INSC: variants seen among roughly 807,000 people sequenced by gnomAD.
INSC encodes the protein protein inscuteable homolog.
INSC carries 67 observed loss-of-function variants against 58.6 expected under a neutral mutation model. The ratio of observed to expected loss-of-function variants is 1.14; its 90% CI spans 0.94 to 1.40. The LOEUF (loss-of-function observed/expected upper bound fraction) is 1.40. Among genes scored for constraint, INSC ranks in the 40% most tolerant of loss-of-function variants. The probability of loss-of-function intolerance (pLI) is 0.00; values close to 1 mark genes in which losing one functional copy is unlikely to be tolerated. For synonymous variants in INSC, 262 were observed against 276.1 expected, an observed-to-expected ratio of 0.95 and a Z score of 0.51; for missense variants, 714 against 692.0, an observed-to-expected ratio of 1.03 and a Z score of -0.36.
At chr11:15,127,592 G>T (rs921863433) in intron 1 of INSC, among the ~76,000 whole-genome samples, 2 of 152,178 alleles carry the variant, frequency 1.3e-5, no homozygotes, top group Non-Finnish European at 2.9e-5. Flanking sequence ...AGAGTAGTGA[G>T]TTATACTTGT....
the INSC span, among the ~76,000 whole-genome samples, chr11:15,265,535 A>G: frequency 2.6e-5 from 4 of 151,490 alleles, no homozygotes; most frequent in African/African-American, 9.7e-5. Flanking sequence ...ATTGTATTTT[A>G]ATTCGTGTTT....
At chr11:15,228,489 C>T (rs1034514270) in intron 9 of INSC, among the ~76,000 whole-genome samples, 1 of 152,210 alleles carries the variant, frequency 6.6e-6, no homozygotes, top group African/African-American at 2.4e-5. Flanking sequence ...TGTCCTGTCT[C>T]AGAACAACCA....
intron 2 of INSC, among the ~76,000 whole-genome samples, chr11:15,160,722 T>G (rs1295818271): frequency 6.6e-6 from 1 of 152,248 alleles, no homozygotes; most frequent in Non-Finnish European, 1.5e-5. Flanking sequence ...AGAAGGCAGC[T>G]GTCAGATGTA....
At chr11:15,124,602 G>A (rs1221398996) in intron 1 of INSC, among the ~76,000 whole-genome samples, 2 of 152,152 alleles carry the variant, frequency 1.3e-5, no homozygotes, top group East Asian at 1.9e-4. Context: ...GAGAGGCTGG[G>A]GGAGGGTGGG....
At chr11:15,167,049 T>A (rs1489471083) in intron 2 of INSC, among the ~76,000 whole-genome samples, 1 of 152,202 alleles carries the variant, frequency 6.6e-6, no homozygotes, top group Non-Finnish European at 1.5e-5. Context: ...GTGGATTTTT[T>A]TTTATTTTTT....
chr11:15,114,979 A>G lies in INSC; in HGVS notation c.-70A>G. 1.0e-6 allele frequency: 1 copy of G among 985,462 alleles called. No individual in the cohort carries two copies. 61.0% of individuals were successfully genotyped at this position (985,462 alleles called of 1,614,324 possible). A position where few individuals can be genotyped will look rare whatever the true frequency, so the allele number is the denominator to read the frequency against. On this transcript the variant is annotated 5_prime_UTR_variant, in exon 1 of 13. Transcript: ENST00000379556. Reference sequence around the variant, plus strand: ...CGCCCCGCCACCACTGGCCGCTCGCACTACCAGCCTGTCTCGCACGCTAAG... The same window carrying G: ...CGCCCCGCCACCACTGGCCGCTCGCGCTACCAGCCTGTCTCGCACGCTAAG...
intron 5 of INSC, among the ~76,000 whole-genome samples, chr11:15,183,218 G>A (rs1270773651): frequency 6.6e-6 from 1 of 151,926 alleles, no homozygotes; most frequent in Non-Finnish European, 1.5e-5. Context: ...AGGCATGGTG[G>A]CACATGCTTG....
chr11:15,117,101 C>T (rs1847748226), intron 1 of INSC, among the ~76,000 whole-genome samples: 2 of 151,004 alleles, frequency 1.3e-5, no homozygotes, highest in Non-Finnish European at 2.9e-5. Context: ...ACCACCATGC[C>T]CAGCTAATTT....
intron 6 of INSC, among the ~76,000 whole-genome samples, chr11:15,196,340 C>T (rs766533166): frequency 1.1e-4 from 16 of 152,206 alleles, no homozygotes; most frequent in African/African-American, 2.7e-4. Flanking sequence ...CAGGTTAGAA[C>T]GCCAGGACTC....
intron 2 of INSC, among the ~76,000 whole-genome samples, chr11:15,168,979 A>G (rs999274925): frequency 3.9e-5 from 6 of 152,216 alleles, no homozygotes; most frequent in African/African-American, 1.4e-4. Flanking sequence ...AGCTTGCCTA[A>G]GGTCACACAG....
At chr11:15,161,727 A>G (rs1381183667) in intron 2 of INSC, among the ~76,000 whole-genome samples, 2 of 152,216 alleles carry the variant, frequency 1.3e-5, no homozygotes, top group African/African-American at 4.8e-5. Flanking sequence ...ATTGCCCGCC[A>G]CTTACGTAAA....
Position 15,200,884 on chromosome 11 carries a change from C to T in INSC, c.754C>T (p.Pro252Ser), listed in dbSNP as rs766791437. 8 of 1,613,776 alleles carry T rather than the reference C, an allele frequency of 5.0e-6. No individual in the cohort carries two copies. In the Admixed American group the frequency reaches 1.2e-4, roughly 24 times the overall value. ...CRQDSFRCLY[P>S]QALRTLASIC... ...GCAGGACAGTTTCCGGTGCTTGTAC[C>T]CCCAGGCGCTCCGCACGCTGGCCTC... The change falls in exon 7 of 13, where the codon CCC (proline) becomes TCC (serine). Residue 252 changes from proline (P) to serine (S), a missense_variant. Transcript: ENST00000379556.
chr11:15,176,783 C>G (rs967137800), intron 3 of INSC, among the ~76,000 whole-genome samples: 1 of 152,096 alleles, frequency 6.6e-6, no homozygotes, highest in Admixed American at 6.5e-5. Flanking sequence ...AGTGCTTTGC[C>G]CTTTGCCTCG....
chr11:15,183,780 C>G (rs2679635), intron 5 of INSC, among the ~76,000 whole-genome samples: 111,303 of 152,012 alleles, frequency 0.73, 41,502 homozygotes, highest in East Asian at 0.99. Flanking sequence ...TTGAGAACAA[C>G]CAAAAATTTC....
chr11:15,252,532 T>C, the INSC span, among the ~76,000 whole-genome samples: 6 of 152,210 alleles, frequency 3.9e-5, no homozygotes, highest in African/African-American at 1.4e-4. Flanking sequence ...TCCTCTTCAT[T>C]GGAGCCTCTC....
At chr11:15,192,010 TA>T (rs1564894952) in intron 6 of INSC, among the ~76,000 whole-genome samples, 1 of 152,136 alleles carries the variant, frequency 6.6e-6, no homozygotes, top group Non-Finnish European at 1.5e-5. Context: ...CTGAACAAAA[TA>T]AAATGCAAGG....
At chr11:15,162,280 T>A (rs1849044629) in intron 2 of INSC, among the ~76,000 whole-genome samples, 1 of 152,314 alleles carries the variant, frequency 6.6e-6, no homozygotes, top group African/African-American at 2.4e-5. Context: ...TTCTTTCTAC[T>A]CTAGCCACAC....
rs532438097 is a variant in INSC at position 15,143,480 on chromosome 11, G to T, written c.-45-5650G>T. ...TGAACAGCAGCTGGCGTGGCTGCAA[G>T]GCTGAAGGACAAGAAGGGTGGTCAG... is the stretch of plus-strand genomic sequence containing the variant. On this transcript the variant is annotated intron_variant, in intron 1 of 12. Transcript: ENST00000379556. Among the ~76,000 whole-genome samples the T allele has an allele frequency of 2.8e-4, 42 of 152,290 alleles. No individual in the cohort carries two copies. The South Asian group carries it at 8.1e-3, about 29-fold the overall frequency.
chr11:15,212,977 A>T (rs1180057386), intron 7 of INSC, among the ~76,000 whole-genome samples: 1 of 152,194 alleles, frequency 6.6e-6, no homozygotes, highest in Non-Finnish European at 1.5e-5. Flanking sequence ...TATTTTAAGG[A>T]TTAAAAATGA....
Sources: allele counts gnomAD v4.1 joint callset (sites outside exome capture counted in the v4.1 genomes callset), GRCh38; gene constraint gnomAD v4.1.1; transcripts MANE v1.5; gene names NCBI Gene and HGNC (gene_info 2026-07-23, HGNC 2026-07-21).